DYTN: variants seen among roughly 807,000 people sequenced by gnomAD.
The protein encoded by DYTN is dystrotelin.
Under a neutral mutation model 69.6 loss-of-function variants are expected in DYTN, and 75 were observed. The observed-to-expected ratio is 1.08, with a 90% CI of 0.89 to 1.31. The LOEUF (loss-of-function observed/expected upper bound fraction) is 1.31. DYTN is among the 50% of genes most tolerant of loss of function. The pLI is 0.00. For synonymous variants in DYTN, 252 were observed against 249.1 expected (o/e 1.01, Z -0.11); for missense variants, 726 against 688.4 (o/e 1.05, Z -0.61).
Position 206,663,248 on chromosome 2 carries a change from G to T in DYTN, c.1288C>A (p.Leu430Ile). The stretch of plus-strand genomic sequence containing the variant: ...CTGTCAACCTCATCAAGCTTAGGAA[G>T]AGGTTCCCCTGTTGAAGCATCTTCA... The part of the protein sequence containing the change: ...ATEDASTGEP[L>I]PKLDEVDRSH... Residue 430 changes from leucine to isoleucine, a missense_variant, in exon 11 of 12, where the codon CTT becomes ATT. Leu to Ile is a conservative substitution (Grantham distance 5). Coordinates refer to ENST00000452335, the MANE Select transcript of DYTN (RefSeq NM_001093730.1). The T allele has an allele frequency of 6.2e-7, 1 of 1,613,966 alleles. No homozygotes were observed. The highest frequency in any genetic ancestry group is 1.1e-5 in the South Asian group (1 of 91,068).
In DYTN at chr2:206,718,305, T is replaced by A. The variant is rs773046016; in HGVS notation, c.-26A>T. 2 of 1,600,728 alleles carry A rather than the reference T, an allele frequency of 1.2e-6. No homozygotes were observed. The highest frequency in any genetic ancestry group is 2.2e-5 in the East Asian group (1 of 44,528). On this transcript the variant is annotated 5_prime_UTR_variant, in exon 1 of 12. Coordinates refer to ENST00000452335, the MANE Select transcript of DYTN (RefSeq NM_001093730.1). ...TTCACAAATTTCCTGGAATGACAGATGGCAAGTGGGTCCCTGTAACTAGAA... is the reference window on the plus strand; with the variant it reads ...TTCACAAATTTCCTGGAATGACAGAAGGCAAGTGGGTCCCTGTAACTAGAA...
intron 11 of DYTN, among the ~76,000 whole-genome samples, chr2:206,652,555 T>A (rs1034883974): frequency 6.6e-6 from 1 of 152,202 alleles, no homozygotes; most frequent in African/African-American, 2.4e-5. Context: ...TGCATAAAGA[T>A]ATATATTATA....
chr2:206,676,951 T>C (rs1279792517), intron 9 of DYTN, among the ~76,000 whole-genome samples: 1 of 152,108 alleles, frequency 6.6e-6, no homozygotes, highest in African/African-American at 2.4e-5. Context: ...ATGGTATTTA[T>C]ATATTTATTT....
chr2:206,717,573 G>A (rs1184198392), intron 1 of DYTN, among the ~76,000 whole-genome samples: 1 of 152,212 alleles, frequency 6.6e-6, no homozygotes, highest in African/African-American at 2.4e-5. Context: ...CTACTGCTTT[G>A]TGTAAAGCGT....
rs1047278695 is a variant in DYTN, at chr2:206,666,531, T to C, written c.981-502A>G. ...GCTACTTAAATAGGAATATTGACTT[T>C]ATACACTATCCTTTTGTCTAGAAAT... is the stretch of plus-strand genomic sequence containing the variant. On this transcript the variant is annotated intron_variant, in intron 9 of 11. Coordinates refer to ENST00000452335, the MANE Select transcript of DYTN (RefSeq NM_001093730.1). Among the ~76,000 whole-genome samples, 8 of 152,192 alleles carry C rather than the reference T, an allele frequency of 5.3e-5. No individual in the cohort carries two copies. The East Asian group carries it at 1.5e-3, about 29-fold the overall frequency.
At chr2:206,666,516 T>C (rs935429498) in intron 9 of DYTN, among the ~76,000 whole-genome samples, 1 of 152,154 alleles carries the variant, frequency 6.6e-6, no homozygotes, top group African/African-American at 2.4e-5. Context: ...GCTACTTAAA[T>C]AGGAATATTG....
chr2:206,709,941 GAGAAAAGAAA>G (rs892562315), intron 2 of DYTN, among the ~76,000 whole-genome samples: 1 of 151,972 alleles, frequency 6.6e-6, no homozygotes, highest in African/African-American at 2.4e-5. Flanking sequence ...ATAACAGTAG[GAGAAAAGAAA>G]AGAAAAGAAA....
chr2:206,661,626 AT>A (rs1191149234), intron 11 of DYTN, among the ~76,000 whole-genome samples: 4 of 152,066 alleles, frequency 2.6e-5, no homozygotes, highest in African/African-American at 9.7e-5. Context: ...ACTTAAATAT[AT>A]TTATCTTTCT....
intron 9 of DYTN, among the ~76,000 whole-genome samples, chr2:206,690,185 C>T (rs146217469): frequency 3.3e-5 from 5 of 152,182 alleles, no homozygotes; most frequent in East Asian, 3.9e-4. Flanking sequence ...GCAAAGACCT[C>T]GGCAGGTCTT....
chr2:206,710,735 T>C, intron 1 of DYTN, 137 bp from the exon 2 acceptor site: 1 of 622,278 alleles, frequency 1.6e-6, no homozygotes, highest in Non-Finnish European at 2.6e-6. Context: ...AGCTCTTTTT[T>C]TTTCTGTAAA....
At chr2:206,710,624 G>T in intron 1 of DYTN, 26 bp from the exon 2 acceptor site, 2 of 1,517,228 alleles carry the variant, frequency 1.3e-6, no homozygotes, top group Non-Finnish European at 1.8e-6. Flanking sequence ...AAAATATTAT[G>T]AATAAAGTCT....
intron 9 of DYTN, among the ~76,000 whole-genome samples, chr2:206,668,098 G>A (rs1026366425): frequency 2.6e-5 from 4 of 152,182 alleles, no homozygotes; most frequent in Admixed American, 6.5e-5. Context: ...TCAGAAAGGA[G>A]TCAGCCCAGG....
chr2:206,667,416 G>A (rs776155494), intron 9 of DYTN, among the ~76,000 whole-genome samples: 9 of 152,014 alleles, frequency 5.9e-5, no homozygotes, highest in African/African-American at 1.5e-4. Flanking sequence ...CTCTCAAGGC[G>A]CCTTTTCAGT....
At chr2:206,694,165 C>T (rs914725617) in intron 8 of DYTN, among the ~76,000 whole-genome samples, 16 of 152,118 alleles carry the variant, frequency 1.1e-4, no homozygotes, top group African/African-American at 3.9e-4. Context: ...AAATAGAATG[C>T]TTTTTTCTAA....
At chr2:206,713,655 T>C (rs1266825893) in intron 1 of DYTN, among the ~76,000 whole-genome samples, 1 of 151,930 alleles carries the variant, frequency 6.6e-6, no homozygotes, top group East Asian at 1.9e-4. Context: ...TAGTGAAGGG[T>C]GAAAGAGGAA....
intron 10 of DYTN, 22 bp downstream of exon 10, chr2:206,665,848 C>T (rs1279169057): frequency 1.2e-6 from 2 of 1,610,960 alleles, no homozygotes; most frequent in Non-Finnish European, 1.7e-6. Flanking sequence ...TCCAGATGGC[C>T]AGTGTCCCTC....
chr2:206,670,980 A>G lies in DYTN; in HGVS notation c.981-4951T>C, dbSNP rs182953675. 2.0e-3 allele frequency among the ~76,000 whole-genome samples: 306 copies of G among 152,252 alleles called. 1 individual carries two copies. The highest frequency in any genetic ancestry group is 3.5e-3 in the Non-Finnish European group (237 of 68,026). ...TGCTTGCTACCTGCGTGTGCACTAA[A>G]GTCATCATTTCTTTTCAAATCCACC... On this transcript the variant is annotated intron_variant, in intron 9 of 11. Coordinates refer to ENST00000452335, the MANE Select transcript of DYTN (RefSeq NM_001093730.1).
intron 1 of DYTN, among the ~76,000 whole-genome samples, chr2:206,711,597 T>TA (rs1700078784): frequency 6.6e-6 from 1 of 152,282 alleles, no homozygotes; most frequent in East Asian, 1.9e-4. Flanking sequence ...TTCTTTTTTT[T>TA]ATTATACTTT....
chr2:206,662,958 T>C lies in DYTN; in HGVS notation c.1578A>G (p.Glu526=). 5 of 1,613,822 alleles carry C rather than the reference T, an allele frequency of 3.1e-6. No individual in the cohort carries two copies. The highest frequency in any genetic ancestry group is 4.2e-6 in the Non-Finnish European group (5 of 1,179,858). Residue 526 remains glutamate (E), a synonymous_variant, in exon 11 of 12, where the codon GAA becomes GAG. Transcript: ENST00000452335. ...KERKDELEEE[E]LQELLSKLMD... ...TAAGTTTTGACAATAGTTCTTGCAG[T>C]TCCTCTTCCTCCAGCTCATCCTTTC...
Sources: allele counts gnomAD v4.1 joint callset (sites outside exome capture counted in the v4.1 genomes callset), GRCh38; gene constraint gnomAD v4.1.1; transcripts MANE v1.5; gene names NCBI Gene and HGNC (gene_info 2026-07-23, HGNC 2026-07-21).